Variants in MIB2 observed in about 807,000 individuals in gnomAD.
The protein encoded by MIB2 is MIB E3 ubiquitin protein ligase 2.
Under a neutral mutation model 96.6 loss-of-function variants are expected in MIB2, and 78 were observed. The ratio of observed to expected loss-of-function variants is 0.81; its 90% confidence interval spans 0.67 to 0.97. The LOEUF (loss-of-function observed/expected upper bound fraction) is 0.97, where lower values mean the gene tolerates loss of function less well. MIB2 is among the 50% of genes least tolerant of loss of function. MIB2 has a pLI of 0.00. For synonymous variants in MIB2, 820 were observed against 629.5 expected, an observed-to-expected ratio of 1.30 and a Z score of -4.53; for missense variants, 1,543 against 1,424.0, an observed-to-expected ratio of 1.08 and a Z score of -1.35.
chr1:1,629,278 T>G lies in MIB2; in HGVS notation c.2348T>G (p.Leu783Arg). 1.3e-6 allele frequency: 2 copies of G among 1,540,304 alleles called. No individual in the cohort carries two copies. The highest frequency in any genetic ancestry group is 1.7e-6 in the Non-Finnish European group (2 of 1,155,740). Residue 783 changes from leucine (L) to arginine (R), a missense_variant, in exon 17 of 20, where the codon CTC becomes CGC. Coordinates refer to ENST00000355826, the MANE Select transcript of MIB2 (RefSeq NM_001170687.4). ...GACCTGGCCGCCGAGGGTCGCGTGC[T>G]CAAGGCCCTTCAGGGCTGCGCCCAG... is the stretch of plus-strand genomic sequence containing the variant. Reference protein sequence around the residue: ...PLDLAAEGRVLKALQGCAQRF... With the variant: ...PLDLAAEGRVRKALQGCAQRF...
chr1:1,619,967 A>G lies in MIB2; in HGVS notation c.-23+3353A>G, dbSNP rs556677241. Among the ~76,000 whole-genome samples, 18 of 152,326 alleles carry G rather than the reference A, an allele frequency of 1.2e-4. No individual in the cohort carries two copies. In the South Asian group the frequency reaches 3.3e-3, roughly 28 times the overall value. ...TCTGGGGCACAGGCTACCCTGTCTC[A>G]GGCTGATGGCCTTGGCACTCCACCC... On this transcript the variant is annotated intron_variant, in intron 2 of 19. Transcript: ENST00000355826.
chr1:1,628,848 G>T (rs1216216312), intron 16 of MIB2, 126 bp downstream of exon 16: 2 of 930,776 alleles, frequency 2.1e-6, no homozygotes, highest in African/African-American at 1.7e-5. Context: ...CGTTCTGGGG[G>T]TGGAGCAGAT....
intron 2 of MIB2, chr1:1,623,034 T>G: frequency 6.2e-6 from 2 of 324,288 alleles, no homozygotes; most frequent in Non-Finnish European, 1.1e-5. Context: ...CGTCCAACCA[T>G]GTGAGTGTCT....
chr1:1,621,023 C>T (rs969926511), intron 2 of MIB2, among the ~76,000 whole-genome samples: 4 of 152,348 alleles, frequency 2.6e-5, no homozygotes, highest in East Asian at 1.9e-4. Context: ...CTGTGCTGGG[C>T]GGGTCCTCGG....
At chr1:1,620,200 G>A (rs781509520) in intron 2 of MIB2, among the ~76,000 whole-genome samples, 29 of 152,270 alleles carry the variant, frequency 1.9e-4, no homozygotes, top group Admixed American at 1.2e-3. Flanking sequence ...TCGGGCAGGT[G>A]TGGCCGCTGG....
At chr1:1,615,276 A>T, upstream of MIB2, 3 of 1,251,960 alleles carry the variant, frequency 2.4e-6, no homozygotes, top group Non-Finnish European at 1.0e-6. Flanking sequence ...AGCGAGCGCG[A>T]CGTCGCTCCC....
At chr1:1,624,039 C>T in intron 4 of MIB2, 94 bp downstream of exon 4, 1 of 1,392,600 alleles carries the variant, frequency 7.2e-7, no homozygotes, top group Non-Finnish European at 9.7e-7. Flanking sequence ...CTCCTGACCG[C>T]TCCCAGGAAG....
intron 2 of MIB2, chr1:1,618,696 C>T (rs992068194): frequency 5.9e-5 from 9 of 152,480 alleles, no homozygotes; most frequent in Admixed American, 2.0e-4. Flanking sequence ...AAGCTTCCCT[C>T]TGACATGGGC....
In MIB2 at chr1:1,629,702, C is replaced by G; in HGVS notation, c.2627C>G (p.Pro876Arg). Residue 876 changes from proline (P) to arginine (R), a missense_variant and splice_region_variant, in exon 19 of 20, where the codon CCA becomes CGA. By Grantham distance (103) the Pro-to-Arg change is moderately radical. Transcript: ENST00000355826. ...CQVVVSKKLRPDGSEVASAAP... is the reference protein window; with the variant it reads ...CQVVVSKKLRRDGSEVASAAP... Reference sequence around the variant, plus strand: ...GTGGTCGTCAGCAAGAAACTGCGCCCAGGTGGGTGAGGCTCTGCGCCCCCA... The same window carrying G: ...GTGGTCGTCAGCAAGAAACTGCGCCGAGGTGGGTGAGGCTCTGCGCCCCCA... The G allele has an allele frequency of 6.3e-7, 1 of 1,594,388 alleles. No individual in the cohort carries two copies. Among genetic ancestry groups the G allele is most frequent in the East Asian group, 2.3e-5 (1 of 43,492 alleles).
At chr1:1,622,252 G>C (rs1339430045) in intron 2 of MIB2, among the ~76,000 whole-genome samples, 1 of 152,248 alleles carries the variant, frequency 6.6e-6, no homozygotes, top group Non-Finnish European at 1.5e-5. Context: ...TGAAAATTGA[G>C]TGGTGGCCCT....
chr1:1,627,546 G>A (rs1569846995), intron 12 of MIB2, 102 bp downstream of exon 12: 1 of 1,474,444 alleles, frequency 6.8e-7, no homozygotes. Flanking sequence ...TGCGTCCTGG[G>A]GTGAGGCCTG....
At chr1:1,615,349 G>C, upstream of MIB2, 1 of 1,403,994 alleles carries the variant, frequency 7.1e-7, no homozygotes. Context: ...GGCGCCCGGA[G>C]GCTAAGCCGC....
intron 1 of MIB2, chr1:1,616,255 C>T (rs1299049005): frequency 1.2e-5 from 5 of 426,280 alleles, no homozygotes; most frequent in Non-Finnish European, 1.7e-5. Flanking sequence ...GGCGCCCGTG[C>T]GCGTCCCGGA....
At position 1,628,336 on chromosome 1, in the gene MIB2, C is replaced by T. The variant is rs777421433; in HGVS notation, c.1905C>T (p.Phe635=). The T allele has an allele frequency of 3.2e-5, 51 of 1,612,750 alleles. 1 individual carries two copies. The Admixed American group carries it at 3.7e-4, about 12-fold the overall frequency. The change falls in exon 15 of 20, where the codon TTC becomes TTT. Residue 635 remains phenylalanine, a synonymous_variant. Coordinates refer to ENST00000355826, the MANE Select transcript of MIB2 (RefSeq NM_001170687.4). ...TGGACGCCAAGAAGGAGGACGGCTT[C>T]ACGGCGCTGCATCTGGCTGCCCTCA... ...QLVDAKKEDG[F]TALHLAALNN...
chr1:1,621,997 G>A lies in MIB2; in HGVS notation c.-22-1434G>A, dbSNP rs1175805925. Among the ~76,000 whole-genome samples, 3 of 152,262 alleles carry A rather than the reference G, an allele frequency of 2.0e-5. No homozygotes were observed. In the East Asian group the frequency reaches 5.8e-4, roughly 29 times the overall value. Reference sequence around the variant, plus strand: ...CACCTGCAGCCTCTCCCGGGCCAGGGTGTCTCCTGAACTGGCCTGAGATGC... The same window carrying A: ...CACCTGCAGCCTCTCCCGGGCCAGGATGTCTCCTGAACTGGCCTGAGATGC... On this transcript the variant is annotated intron_variant, in intron 2 of 19. Coordinates refer to ENST00000355826, the MANE Select transcript of MIB2 (RefSeq NM_001170687.4).
chr1:1,627,096 C>G lies in MIB2; in HGVS notation c.1263C>G (p.Asp421Glu). 6.2e-7 allele frequency: 1 copy of G among 1,600,344 alleles called. No individual in the cohort carries two copies. The highest frequency in any genetic ancestry group is 1.1e-5 in the South Asian group (1 of 89,506). The change falls in exon 11 of 20, where the codon GAC (aspartate) becomes GAG (glutamate). Residue 421 changes from aspartate to glutamate, a missense_variant. Coordinates refer to ENST00000355826, the MANE Select transcript of MIB2 (RefSeq NM_001170687.4). ...ENKSSLSVAL[D>E]KLRAQKSDPE... ...CAGGCTCACTGAGCGTGGCCCTGGA[C>G]AAGCTTCGGGCCCAGAAGAGTGACC...
chr1:1,626,345 CCTG>C lies in MIB2; in HGVS notation c.973-298_973-296del. The C allele has an allele frequency of 2.3e-6, 1 of 432,230 alleles. No individual in the cohort carries two copies. Among genetic ancestry groups the C allele is most frequent in the Non-Finnish European group, 4.1e-6 (1 of 243,332 alleles). 26.8% of individuals were successfully genotyped at this position (432,230 alleles called of 1,614,324 possible). On this transcript the variant is annotated intron_variant, in intron 8 of 19. Transcript: ENST00000355826. The surrounding 1 kb of genome is among the most constrained non-coding windows in gnomAD (Gnocchi z 5.3). Reference sequence around the variant, plus strand: ...TGGCTCACGGGCCCTGGCCATGTTGCCTGCTGCTGGTCAGCGTACAGCTTCCCA... The same window carrying C: ...TGGCTCACGGGCCCTGGCCATGTTGCCTGCTGGTCAGCGTACAGCTTCCCA...
intron 1 of MIB2, chr1:1,616,064 G>A: frequency 2.0e-6 from 2 of 984,278 alleles, no homozygotes; most frequent in Non-Finnish European, 1.2e-6. Context: ...AGCGGAGCGG[G>A]CGGGACGGAA....
At chr1:1,621,804 G>GGCACGGATCGGGA (rs1553144521) in intron 2 of MIB2, among the ~76,000 whole-genome samples, 1 of 152,098 alleles carries the variant, frequency 6.6e-6, no homozygotes, top group African/African-American at 2.4e-5. Flanking sequence ...ACGGATCGGG[G>GGCACGGATCGGGA]GCACGGATCG....
Sources: allele counts gnomAD v4.1 joint callset (sites outside exome capture counted in the v4.1 genomes callset), GRCh38; gene constraint gnomAD v4.1.1; non-coding constraint Gnocchi (gnomAD v3.1); transcripts MANE v1.5; gene names NCBI Gene and HGNC (gene_info 2026-07-23, HGNC 2026-07-21).